Variants in ULK4 observed in about 807,000 individuals in gnomAD.
The protein encoded by ULK4 is inactive serine/threonine-protein kinase ULK4.
ULK4 carries 133 observed loss-of-function variants against 160.6 expected under a neutral mutation model. The observed-to-expected ratio is 0.83, with a 90% CI of 0.72 to 0.96. The LOEUF is 0.96. Among genes scored for constraint, ULK4 ranks in the 40% least tolerant of loss-of-function variants. The probability of loss-of-function intolerance (pLI) is 0.00; values close to 1 mark genes in which losing one functional copy is unlikely to be tolerated. For missense variants in ULK4, 1,580 were observed against 1,499.5 expected (o/e 1.05, Z -0.89); for synonymous variants, 534 against 539.8 (o/e 0.99, Z 0.15).
intron 19 of ULK4, among the ~76,000 whole-genome samples, chr3:41,807,345 T>G (rs1320979791): frequency 6.6e-6 from 1 of 152,296 alleles, no homozygotes; most frequent in East Asian, 1.9e-4. Flanking sequence ...AGGAGCCCAC[T>G]AATTCAACTT....
chr3:41,699,242 T>C (rs1447839247), intron 27 of ULK4, among the ~76,000 whole-genome samples: 1 of 152,216 alleles, frequency 6.6e-6, no homozygotes, highest in Non-Finnish European at 1.5e-5. Context: ...ATTTGCTCTA[T>C]GTCCCCACCA....
At chr3:41,850,053 C>T (rs1301145529) in intron 17 of ULK4, among the ~76,000 whole-genome samples, 2 of 152,136 alleles carry the variant, frequency 1.3e-5, no homozygotes, top group East Asian at 1.9e-4. Flanking sequence ...TGAGTGAGAA[C>T]ATGTGGTGTT....
intron 1 of ULK4, among the ~76,000 whole-genome samples, chr3:41,957,273 G>A (rs1438258826): frequency 6.6e-6 from 1 of 150,822 alleles, no homozygotes; most frequent in Non-Finnish European, 1.5e-5. Context: ...GACCAACATG[G>A]CAAAATCCTA....
intron 35 of ULK4, among the ~76,000 whole-genome samples, chr3:41,307,205 G>A (rs1436561798): frequency 6.7e-6 from 1 of 150,298 alleles, no homozygotes; most frequent in Admixed American, 6.6e-5. Flanking sequence ...AGGTGCAGCA[G>A]CAGAAAAATA....
At chr3:41,409,684 C>G (rs969198413) in intron 34 of ULK4, among the ~76,000 whole-genome samples, 1 of 152,084 alleles carries the variant, frequency 6.6e-6, no homozygotes, top group Non-Finnish European at 1.5e-5. Flanking sequence ...CAAAGTGGCT[C>G]GCACCTGTAA....
intron 19 of ULK4, among the ~76,000 whole-genome samples, chr3:41,800,995 G>T (rs891934446): frequency 2.0e-5 from 3 of 152,132 alleles, no homozygotes; most frequent in Admixed American, 6.6e-5. Flanking sequence ...ACACTGCCAA[G>T]CAAGCAAAGA....
chr3:41,250,518 C>T (rs541721591), intron 35 of ULK4, among the ~76,000 whole-genome samples: 2 of 152,312 alleles, frequency 1.3e-5, no homozygotes, highest in South Asian at 2.1e-4. Context: ...GGAGTCCACA[C>T]GGAGCCAGAC....
At chr3:41,931,078 A>G (rs925306283) in intron 5 of ULK4, among the ~76,000 whole-genome samples, 3 of 152,202 alleles carry the variant, frequency 2.0e-5, no homozygotes, top group African/African-American at 7.2e-5. Flanking sequence ...TGTGGAACCA[A>G]CCCAAATGCC....
chr3:41,659,480 G>A (rs551129212), intron 30 of ULK4, among the ~76,000 whole-genome samples: 2 of 152,236 alleles, frequency 1.3e-5, no homozygotes, highest in African/African-American at 2.4e-5. Context: ...CATATGAAGT[G>A]GTAGTCATTC....
At chr3:41,844,679 GCC>G (rs2042020572) in intron 17 of ULK4, among the ~76,000 whole-genome samples, 1 of 152,050 alleles carries the variant, frequency 6.6e-6, no homozygotes, top group African/African-American at 2.4e-5. Flanking sequence ...CAGAGGAGGC[GCC>G]AAGAGCGAGC....
intron 12 of ULK4, among the ~76,000 whole-genome samples, chr3:41,905,266 T>C (rs1698512238): frequency 1.4e-5 from 2 of 147,020 alleles, no homozygotes; most frequent in Admixed American, 7.1e-5. Context: ...CTGAGACAAC[T>C]GGATGTTTCG....
intron 34 of ULK4, among the ~76,000 whole-genome samples, chr3:41,443,097 C>T (rs893959452): frequency 1.3e-5 from 2 of 152,134 alleles, no homozygotes; most frequent in Non-Finnish European, 2.9e-5. Context: ...GTATCACTTC[C>T]TCTGGAACAT....
intron 18 of ULK4, among the ~76,000 whole-genome samples, chr3:41,822,011 C>T (rs1275088965): frequency 1.3e-5 from 2 of 152,188 alleles, no homozygotes; most frequent in African/African-American, 4.8e-5. Flanking sequence ...GTTGCTTACT[C>T]TCATCCAGGC....
chr3:41,415,347 T>C (rs1331667887), intron 34 of ULK4, among the ~76,000 whole-genome samples: 3 of 152,112 alleles, frequency 2.0e-5, no homozygotes, highest in African/African-American at 4.8e-5. Context: ...AGACATGGGT[T>C]TGAGACAGCC....
chr3:41,926,166 A>G (rs990758793), intron 5 of ULK4, among the ~76,000 whole-genome samples: 10 of 152,184 alleles, frequency 6.6e-5, no homozygotes, highest in Admixed American at 1.3e-4. Context: ...AGGCAGCAAT[A>G]TGGGCTGTTC....
At chr3:41,793,037 C>G (rs2040196731) in intron 20 of ULK4, among the ~76,000 whole-genome samples, 2 of 152,068 alleles carry the variant, frequency 1.3e-5, no homozygotes, top group Admixed American at 6.6e-5. Flanking sequence ...GCCGCACCTG[C>G]TGGCGGGTGC....
intron 32 of ULK4, among the ~76,000 whole-genome samples, chr3:41,553,394 A>G (rs1020012698): frequency 6.6e-6 from 1 of 152,052 alleles, no homozygotes; most frequent in African/African-American, 2.4e-5. Flanking sequence ...AAGGGACTCA[A>G]CAAAACAATA....
chr3:41,391,614 T>A (rs527604009), intron 35 of ULK4, among the ~76,000 whole-genome samples: 2 of 152,036 alleles, frequency 1.3e-5, no homozygotes, highest in East Asian at 3.9e-4. Flanking sequence ...GCTGCAGAAT[T>A]CCTGGTTTCC....
intron 35 of ULK4, among the ~76,000 whole-genome samples, chr3:41,390,810 G>A (rs113646221): frequency 6.6e-6 from 1 of 152,088 alleles, no homozygotes; most frequent in Non-Finnish European, 1.5e-5. Context: ...TTTGGAATAG[G>A]TGCGGTGTGG....
Sources: gnomAD v4.1 joint callset for allele counts (sites outside exome capture counted in the v4.1 genomes callset) on GRCh38, gnomAD v4.1.1 for gene constraint, MANE v1.5 for transcripts, NCBI Gene and HGNC (gene_info 2026-07-23, HGNC 2026-07-21) for gene names.